Variants in SPART observed in about 807,000 individuals in gnomAD.
The protein encoded by SPART is spastic paraplegia 20 (Troyer syndrome).
A neutral mutation model predicts 58.7 loss-of-function variants in SPART; 35 were observed. The ratio of observed to expected loss-of-function variants is 0.60; its 90% CI spans 0.46 to 0.79. The LOEUF (loss-of-function observed/expected upper bound fraction) is 0.79. SPART is among the 30% of genes least tolerant of loss of function. The pLI is 0.00. For synonymous variants in SPART, 284 were observed against 280.7 expected (o/e 1.01, Z -0.12); for missense variants, 730 against 786.1 (o/e 0.93, Z 0.85).
chr13:36,317,508 C>T (rs140494311), intron 5 of SPART, among the ~76,000 whole-genome samples: 2 of 89,320 alleles, frequency 2.2e-5, no homozygotes, highest in Admixed American at 1.4e-4. Flanking sequence ...TTCCGTGCCC[C>T]GACCCCTTAT....
intron 1 of SPART, among the ~76,000 whole-genome samples, chr13:36,369,915 C>T (rs1275032027): frequency 6.6e-6 from 1 of 152,130 alleles, no homozygotes; most frequent in East Asian, 1.9e-4. Context: ...TTAAAATACA[C>T]AATAGAACTT....
chr13:36,352,892 C>G (rs948197073), intron 1 of SPART, among the ~76,000 whole-genome samples: 1 of 151,978 alleles, frequency 6.6e-6, no homozygotes, highest in Non-Finnish European at 1.5e-5. Flanking sequence ...CCTGGGAGGT[C>G]AAGGCTACAG....
intron 8 of SPART, among the ~76,000 whole-genome samples, chr13:36,307,962 C>G (rs755778893): frequency 1.3e-5 from 2 of 152,102 alleles, no homozygotes; most frequent in Non-Finnish European, 2.9e-5. Flanking sequence ...TTTAAAATAA[C>G]TATTTTGGAG....
At chr13:36,359,935 A>AAC (rs1566149452) in intron 1 of SPART, among the ~76,000 whole-genome samples, 1 of 151,116 alleles carries the variant, frequency 6.6e-6, no homozygotes, top group Admixed American at 6.6e-5. Context: ...AAAAAAAAAA[A>AAC]AAAAAAACAC....
chr13:36,308,637 GTTT>G lies in SPART; in HGVS notation c.1733+3505_1733+3507del, dbSNP rs59878469. Among the ~76,000 whole-genome samples, 671 of 142,492 alleles carry G rather than the reference GTTT, an allele frequency of 4.7e-3. 6 individuals carry two copies. Among genetic ancestry groups the G allele is most frequent in the African/African-American group, 0.015 (565 of 38,508 alleles). The allele number at this position is 142,492 out of a possible 152,430, so 93.5% of individuals were successfully genotyped here. A position where few individuals can be genotyped will look rare whatever the true frequency, so the allele number is the denominator to read the frequency against. ...TAATAAGCTAATTGTAGTTAGGTAA[GTTT>G]TTTTTTTTTTTTTTCATTAGAGTAG... On this transcript the variant is annotated intron_variant, in intron 8 of 8. Transcript: ENST00000438666.
At chr13:36,314,847 G>A (rs1881516279) in intron 5 of SPART, among the ~76,000 whole-genome samples, 1 of 152,156 alleles carries the variant, frequency 6.6e-6, no homozygotes, top group Non-Finnish European at 1.5e-5. Flanking sequence ...GAAATCTTGA[G>A]GGAGAAAGAC....
chr13:36,361,378 G>A (rs1299441380), intron 1 of SPART, among the ~76,000 whole-genome samples: 7 of 151,858 alleles, frequency 4.6e-5, no homozygotes, highest in Non-Finnish European at 8.8e-5. Flanking sequence ...TTTTTCAATC[G>A]CTTTGCATCA....
At chr13:36,357,483 G>A (rs1885669065) in intron 1 of SPART, among the ~76,000 whole-genome samples, 1 of 152,182 alleles carries the variant, frequency 6.6e-6, no homozygotes, top group South Asian at 2.1e-4. Context: ...GGATTCAGGG[G>A]AGAAGAGGAA....
chr13:36,322,594 A>G (rs1882524601), intron 5 of SPART, among the ~76,000 whole-genome samples: 1 of 152,236 alleles, frequency 6.6e-6, no homozygotes, highest in Non-Finnish European at 1.5e-5. Flanking sequence ...ATATGAGTTT[A>G]AAACACTGAT....
At chr13:36,364,734 C>T (rs1412865911) in intron 1 of SPART, among the ~76,000 whole-genome samples, 1 of 152,160 alleles carries the variant, frequency 6.6e-6, no homozygotes. Context: ...TCTTTGAGAT[C>T]AATGCTATTC....
At chr13:36,322,527 T>G (rs1276358301) in intron 5 of SPART, among the ~76,000 whole-genome samples, 1 of 152,194 alleles carries the variant, frequency 6.6e-6, no homozygotes, top group Non-Finnish European at 1.5e-5. Flanking sequence ...AGCTGAACCC[T>G]AAGATTATAT....
At chr13:36,350,736 A>C (rs1332874277), upstream of SPART, among the ~76,000 whole-genome samples, 1 of 152,194 alleles carries the variant, frequency 6.6e-6, no homozygotes, top group Non-Finnish European at 1.5e-5. Context: ...AGAAGAGAAC[A>C]ATATTTTGAA....
At chr13:36,329,314 A>G (rs762048880) in intron 4 of SPART, 48 bp downstream of exon 4, 1 of 1,601,128 alleles carries the variant, frequency 6.2e-7, no homozygotes, top group Admixed American at 1.7e-5. Flanking sequence ...AAACTGGAGA[A>G]AGGTACCATT....
intron 5 of SPART, among the ~76,000 whole-genome samples, chr13:36,315,255 G>A (rs1881571713): frequency 6.6e-6 from 1 of 152,320 alleles, no homozygotes; most frequent in Non-Finnish European, 1.5e-5. Context: ...TGTGGGGAAA[G>A]GAGTGGGAGA....
intron 8 of SPART, among the ~76,000 whole-genome samples, chr13:36,306,184 A>G (rs1880492544): frequency 6.6e-6 from 1 of 152,208 alleles, no homozygotes; most frequent in South Asian, 2.1e-4. Flanking sequence ...CAACAGACAG[A>G]AAAACTTCCT....
intron 5 of SPART, among the ~76,000 whole-genome samples, chr13:36,324,853 G>A (rs1260572938): frequency 1.3e-5 from 2 of 152,160 alleles, no homozygotes; most frequent in African/African-American, 4.8e-5. Context: ...AGTCAAAGGG[G>A]ATTTGTTCTC....
rs776056668 is a variant in SPART, at chr13:36,331,561, T to A, written c.846A>T (p.Arg282Ser). ...CDWLYPLVPD[R>S]SPVLKCTAGA... is the part of the protein sequence containing the mutation. ...CCGCAGTACATTTCAGAACCGGAGA[T>A]CTATCAGGAACTAGAGGATATAACC... The change falls in exon 3 of 9, where the codon AGA (arginine) becomes AGT (serine). Residue 282 changes from arginine to serine, a missense_variant. Arg to Ser is a moderately radical substitution (Grantham distance 110). Transcript: ENST00000438666. 4 of 1,613,908 alleles carry A rather than the reference T, an allele frequency of 2.5e-6. No homozygotes were observed. In the East Asian group the frequency reaches 8.9e-5, roughly 36 times the overall value.
chr13:36,306,251 T>G (rs1880498747), intron 8 of SPART, among the ~76,000 whole-genome samples: 1 of 152,194 alleles, frequency 6.6e-6, no homozygotes, highest in African/African-American at 2.4e-5. Flanking sequence ...CAGGATTTGC[T>G]GATAGTGCAG....
At chr13:36,348,964 C>T (rs1885305858), upstream of SPART, among the ~76,000 whole-genome samples, 1 of 152,130 alleles carries the variant, frequency 6.6e-6, no homozygotes, top group Admixed American at 6.5e-5. Context: ...AATTTCAAAA[C>T]TTAACTACAA....
Sources: allele counts gnomAD v4.1 joint callset (sites outside exome capture counted in the v4.1 genomes callset), GRCh38; gene constraint gnomAD v4.1.1; transcripts MANE v1.5; gene names NCBI Gene and HGNC (gene_info 2026-07-23, HGNC 2026-07-21).